ZBTB46: variants seen among roughly 807,000 people sequenced by gnomAD.
ZBTB46 encodes zinc finger and BTB domain-containing protein 46.
ZBTB46 carries 8 observed loss-of-function variants against 44.1 expected under a neutral mutation model. The ratio of observed to expected loss-of-function variants is 0.18; its 90% CI spans 0.11 to 0.33. The LOEUF (loss-of-function observed/expected upper bound fraction) is 0.33, where lower values mean the gene tolerates loss of function less well. Ranked by LOEUF, ZBTB46 falls within the 10% of genes least tolerant of loss-of-function variation. ZBTB46 has a pLI of 1.00. For missense variants in ZBTB46, 651 were observed against 847.7 expected (o/e 0.77, Z 2.88); for synonymous variants, 409 against 382.3 (o/e 1.07, Z -0.81).
chr20:63,752,819 T>C lies in ZBTB46; in HGVS notation c.1265A>G (p.Tyr422Cys), dbSNP rs762247822. The C allele has an allele frequency of 1.7e-5, 27 of 1,612,296 alleles. No individual in the cohort carries two copies. The highest frequency in any genetic ancestry group is 2.1e-5 in the Non-Finnish European group (25 of 1,178,954). ...CTGGTGCATGGCCGAGAAGCTGCAG[T>C]ACGGACACTTGAACTTCTTCCTGAT... ...TVIRKKFKCP[Y>C]CSFSAMHQCI... Residue 422 changes from tyrosine to cysteine, a missense_variant, in exon 4 of 5, where the codon TAC becomes TGC. Tyr to Cys is a radical substitution (Grantham distance 194). This residue lies in a region of ZBTB46 where 385 missense variants were observed against 423.3 expected (regional missense o/e 0.91). Coordinates refer to ENST00000245663, the MANE Select transcript of ZBTB46 (RefSeq NM_001369741.1). This position sits in a 1 kb window ranked among gnomAD's most constrained non-coding sequence, Gnocchi z 5.6.
chr20:63,763,467 C>T (rs2092293928), intron 3 of ZBTB46, among the ~76,000 whole-genome samples: 1 of 152,174 alleles, frequency 6.6e-6, no homozygotes, highest in South Asian at 2.1e-4. Context: ...AGCTTCCAAT[C>T]ATGGCAGAAG....
chr20:63,775,496 G>A (rs1258875216), intron 3 of ZBTB46, 182 bp downstream of exon 3: 13 of 724,262 alleles, frequency 1.8e-5, no homozygotes, highest in Non-Finnish European at 2.5e-5. Context: ...CCAGCCCCCC[G>A]TGCACCTGAG....
chr20:63,812,784 A>AAAAAC (rs1204856235), intron 1 of ZBTB46, among the ~76,000 whole-genome samples: 11 of 151,900 alleles, frequency 7.2e-5, no homozygotes, highest in South Asian at 2.1e-4. Flanking sequence ...TCTCAAAACA[A>AAAAAC]AAAACAAAAC....
Position 63,790,775 on chromosome 20 carries a change from G to C in ZBTB46, c.-18C>G, listed in dbSNP as rs776930529. On this transcript the variant is annotated 5_prime_UTR_variant, in exon 2 of 5. Coordinates refer to ENST00000245663, the MANE Select transcript of ZBTB46 (RefSeq NM_001369741.1). ...TTGTTCATTTGGAAGCCCTGGTGTC[G>C]CCTCTTCTACAGACTCTGTGGAGGT... 15 of 1,582,038 alleles carry C rather than the reference G, an allele frequency of 9.5e-6. No individual in the cohort carries two copies. The Admixed American group carries it at 2.6e-4, about 27-fold the overall frequency.
rs573835062 is a variant in ZBTB46 at position 63,768,218 on chromosome 20, A to G, written c.1222+7460T>C. On this transcript the variant is annotated intron_variant, in intron 3 of 4. Transcript: ENST00000245663. ...CTGCCACCAAAACTATCCTGTGAGA[A>G]ATGAGAAACGACTCGTGTGGGAATA... 67 of 764,976 alleles carry G rather than the reference A, an allele frequency of 8.8e-5. No homozygotes were observed. The African/African-American group carries it at 1.2e-3, about 14-fold the overall frequency. The allele number at this position is 764,976 out of a possible 1,614,324, so 47.4% of individuals were successfully genotyped here.
intron 1 of ZBTB46, chr20:63,815,138 G>A: frequency 4.6e-6 from 1 of 217,340 alleles, no homozygotes; most frequent in Non-Finnish European, 9.5e-6. Context: ...AGACACAAAA[G>A]GCCGAGAGCC....
At chr20:63,809,673 C>T (rs2092706776) in intron 1 of ZBTB46, among the ~76,000 whole-genome samples, 1 of 152,212 alleles carries the variant, frequency 6.6e-6, no homozygotes, top group Admixed American at 6.5e-5. Context: ...GAAAAGATTT[C>T]AAGGCCAGGC....
rs370222724 is a variant in ZBTB46, at chr20:63,793,674, G to A, written c.-33-2884C>T. On this transcript the variant is annotated intron_variant, in intron 1 of 4. Coordinates refer to ENST00000245663, the MANE Select transcript of ZBTB46 (RefSeq NM_001369741.1). ...ATGCCAGAGATTTTATAGAAGCAGC[G>A]GCTACCTCACAACGGTCCACACCTC... Among the ~76,000 whole-genome samples, 67 of 151,678 alleles carry A rather than the reference G, an allele frequency of 4.4e-4. No homozygotes were observed. In the East Asian group the frequency reaches 7.1e-3, roughly 16 times the overall value.
chr20:63,770,870 C>T (rs2092363354), intron 3 of ZBTB46, among the ~76,000 whole-genome samples: 1 of 152,196 alleles, frequency 6.6e-6, no homozygotes, highest in South Asian at 2.1e-4. Flanking sequence ...ACAGGACACC[C>T]TAGAGACCAC....
chr20:63,801,638 G>A (rs962611865), intron 1 of ZBTB46, among the ~76,000 whole-genome samples: 7 of 152,176 alleles, frequency 4.6e-5, no homozygotes, highest in Non-Finnish European at 7.3e-5. Context: ...GTGAAGGTCT[G>A]CAGCTTCACT....
In ZBTB46 at chr20:63,745,967, TCTGA is replaced by T. The variant is rs1830628834; in HGVS notation, c.*959_*962del. ...TTTTATGTAACTACCTCGATATGTC[TCTGA>T]CTACTTAAAAATTTGGTTACCCACG... On this transcript the variant is annotated 3_prime_UTR_variant, in exon 5 of 5. Transcript: ENST00000245663. 6.5e-6 allele frequency: 1 copy of T among 152,722 alleles called. No individual in the cohort carries two copies. Among genetic ancestry groups the T allele is most frequent in the African/African-American group, 2.4e-5 (1 of 41,470 alleles). The allele number at this position is 152,722 out of a possible 1,614,324, so 9.5% of individuals were successfully genotyped here. A position where few individuals can be genotyped will look rare whatever the true frequency, so the allele number is the denominator to read the frequency against.
chr20:63,788,724 C>T (rs1199346429), intron 2 of ZBTB46, among the ~76,000 whole-genome samples: 1 of 151,954 alleles, frequency 6.6e-6, no homozygotes. Context: ...CTGTAATCCC[C>T]AGCTAATCGG....
intron 3 of ZBTB46, among the ~76,000 whole-genome samples, chr20:63,757,590 A>G (rs1164260876): frequency 6.6e-6 from 1 of 152,116 alleles, no homozygotes; most frequent in East Asian, 1.9e-4. Context: ...CGGCAGCACT[A>G]GAAGCCTTGA....
At chr20:63,825,050 G>A (rs1326775502) in intron 1 of ZBTB46, among the ~76,000 whole-genome samples, 7 of 86,584 alleles carry the variant, frequency 8.1e-5, no homozygotes, top group African/African-American at 1.5e-4. Context: ...CCGTCTCACC[G>A]TCATCAAACC....
intron 1 of ZBTB46, among the ~76,000 whole-genome samples, chr20:63,795,660 C>A (rs1418040782): frequency 6.6e-6 from 1 of 152,220 alleles, no homozygotes; most frequent in Non-Finnish European, 1.5e-5. Flanking sequence ...ACCCATCGTG[C>A]CGTCCTGTGC....
upstream of ZBTB46, among the ~76,000 whole-genome samples, chr20:63,833,330 G>A (rs987338806): frequency 6.6e-6 from 1 of 152,328 alleles, no homozygotes; most frequent in South Asian, 2.1e-4. Flanking sequence ...GGTGTCTCAC[G>A]CCTGTAATCC....
In ZBTB46 at chr20:63,744,579, T is replaced by A. The variant is rs1489662409; in HGVS notation, c.*2351A>T. On this transcript the variant is annotated 3_prime_UTR_variant, in exon 5 of 5. Coordinates refer to ENST00000245663, the MANE Select transcript of ZBTB46 (RefSeq NM_001369741.1). ...GAACATCGATTTAAAAAAAAATCAG[T>A]CACATAAAAAAAACCCTTCATGACA... is the stretch of plus-strand genomic sequence containing the variant. The A allele has an allele frequency of 6.6e-6, 1 of 152,100 alleles. No individual in the cohort carries two copies. The highest frequency in any genetic ancestry group is 2.4e-5 in the African/African-American group (1 of 41,350). 9.4% of individuals were successfully genotyped at this position (152,100 alleles called of 1,614,324 possible).
intron 1 of ZBTB46, among the ~76,000 whole-genome samples, chr20:63,830,393 G>A (rs908022734): frequency 6.6e-6 from 1 of 150,834 alleles, no homozygotes; most frequent in Non-Finnish European, 1.5e-5. Context: ...CGCGCGCCCC[G>A]TCCGCCCCGC....
At chr20:63,832,013 G>A (rs910711195), upstream of ZBTB46, among the ~76,000 whole-genome samples, 1 of 152,020 alleles carries the variant, frequency 6.6e-6, no homozygotes, top group Non-Finnish European at 1.5e-5. The surrounding 1 kb of genome is among the most constrained non-coding windows in gnomAD (Gnocchi z 5.0). Context: ...GGGGGTGCCC[G>A]CCAGTGGGGC....
Sources: allele counts gnomAD v4.1 joint callset (sites outside exome capture counted in the v4.1 genomes callset), GRCh38; gene constraint gnomAD v4.1.1; regional missense constraint gnomAD v4.1.1; non-coding constraint Gnocchi (gnomAD v3.1); transcripts MANE v1.5; gene names NCBI Gene and HGNC (gene_info 2026-07-23, HGNC 2026-07-21).